TOPBP1: variants seen among roughly 807,000 people sequenced by gnomAD.
TOPBP1 encodes DNA topoisomerase II binding protein 1.
Under a neutral mutation model 167.7 loss-of-function variants are expected in TOPBP1, and 28 were observed. The observed-to-expected ratio is 0.17, with a 90% confidence interval of 0.12 to 0.23. The LOEUF is 0.23. TOPBP1 is among the 10% of genes least tolerant of loss of function. The pLI is 1.00. For synonymous variants in TOPBP1, 598 were observed against 611.4 expected (o/e 0.98, Z 0.32); for missense variants, 1,554 against 1,809.6 (o/e 0.86, Z 2.56).
At chr3:133,660,950 A>T (rs1223208836) in intron 2 of TOPBP1, 94 bp downstream of exon 2, 1 of 866,838 alleles carries the variant, frequency 1.2e-6, no homozygotes. Context: ...TATGAAAGTG[A>T]AATATCTACT....
At chr3:133,651,854 A>G (rs1936317924) in intron 8 of TOPBP1, among the ~76,000 whole-genome samples, 1 of 152,190 alleles carries the variant, frequency 6.6e-6, no homozygotes, top group Non-Finnish European at 1.5e-5. Context: ...CTTAAATGCG[A>G]TTTTATATAT....
intron 16 of TOPBP1, among the ~76,000 whole-genome samples, chr3:133,626,626 C>T (rs1935275674): frequency 6.6e-6 from 1 of 152,260 alleles, no homozygotes; most frequent in Middle Eastern, 3.4e-3. Context: ...GTATCTGAGT[C>T]CCCAGATCGG....
At chr3:133,658,197 C>T (rs909444763) in intron 3 of TOPBP1, among the ~76,000 whole-genome samples, 1 of 152,252 alleles carries the variant, frequency 6.6e-6, no homozygotes, top group African/African-American at 2.4e-5. Context: ...GGCACAGTGG[C>T]TCACGCCTGT....
intron 27 of TOPBP1, among the ~76,000 whole-genome samples, chr3:133,607,915 G>A (rs1279132295): frequency 6.6e-6 from 1 of 152,176 alleles, no homozygotes; most frequent in African/African-American, 2.4e-5. Context: ...TCACAAAGCT[G>A]ACTTTGAGTG....
chr3:133,632,530 GGTAA>G (rs1347861014), intron 14 of TOPBP1, among the ~76,000 whole-genome samples: 6 of 152,136 alleles, frequency 3.9e-5, no homozygotes, highest in African/African-American at 1.2e-4. Context: ...GCAAGAACAT[GGTAA>G]GTCTTTCTAT....
chr3:133,609,117 C>T lies in TOPBP1; in HGVS notation c.4174-155G>A, dbSNP rs1025587656. 5.9e-5 allele frequency among the ~76,000 whole-genome samples: 9 copies of T among 152,088 alleles called. No individual in the cohort carries two copies. The South Asian group carries it at 6.2e-4, about 10-fold the overall frequency. ...ATTATCTCTGGCCAGAACACTGAAA[C>T]GTGAATCCATGGTATCTGGCACATA... On this transcript the variant is annotated intron_variant, in intron 25 of 27. Coordinates refer to ENST00000260810, the MANE Select transcript of TOPBP1 (RefSeq NM_007027.4).
rs79802507 is a variant in TOPBP1 at position 133,610,347 on chromosome 3, T to C, written c.4173+657A>G. 6.0e-3 allele frequency among the ~76,000 whole-genome samples: 908 copies of C among 152,332 alleles called. 1 individual carries two copies. The highest frequency in any genetic ancestry group is 0.02 in the African/African-American group (838 of 41,586). ...GAATTTCTTTGGACTGAATCATTAA[T>C]ACACAGAAGTTTGTCTTTGACTTGT... On this transcript the variant is annotated intron_variant, in intron 25 of 27. Transcript: ENST00000260810.
chr3:133,634,525 A>T (rs1373014280), intron 14 of TOPBP1, among the ~76,000 whole-genome samples: 1 of 152,116 alleles, frequency 6.6e-6, no homozygotes, highest in Non-Finnish European at 1.5e-5. Flanking sequence ...TAAAAAAAAA[A>T]GATAAAAGAT....
At chr3:133,620,734 G>A (rs1403338470) in intron 19 of TOPBP1, among the ~76,000 whole-genome samples, 4 of 151,732 alleles carry the variant, frequency 2.6e-5, no homozygotes, top group Non-Finnish European at 5.9e-5. Flanking sequence ...TCACCATGCC[G>A]GGCTAATTTT....
rs1378390134 is a variant in TOPBP1 at position 133,631,430 on chromosome 3, C to G, written c.2521-2697G>C. ...TTTTAATAAACGGTAGGGCTACTGC[C>G]TACCTGCAATTATACTTTTCAGATT... On this transcript the variant is annotated intron_variant, in intron 14 of 27. Transcript: ENST00000260810. Among the ~76,000 whole-genome samples the G allele has an allele frequency of 7.9e-5, 12 of 152,302 alleles. No homozygotes were observed. The East Asian group carries it at 2.1e-3, about 27-fold the overall frequency.
At chr3:133,648,466 G>A (rs1427732159) in intron 10 of TOPBP1, among the ~76,000 whole-genome samples, 1 of 152,220 alleles carries the variant, frequency 6.6e-6, no homozygotes, top group Non-Finnish European at 1.5e-5. Context: ...TGAGTATGTT[G>A]ATGAGTGGAG....
At position 133,623,319 on chromosome 3, in the gene TOPBP1, C is replaced by T. The variant is rs778620363; in HGVS notation, c.3067G>A (p.Asp1023Asn). Residue 1023 changes from aspartate (D) to asparagine (N), a missense_variant, in exon 18 of 28, where the codon GAT becomes AAT. Asp to Asn is a conservative substitution (Grantham distance 23). Coordinates refer to ENST00000260810, the MANE Select transcript of TOPBP1 (RefSeq NM_007027.4). ...TCATCCATATCTCCTACCTCATCAT[C>T]CTTTGTTGAAGACACAGCTGAGAGT... ...RLLSAVSSTK[D>N]DEPDPLILEE... is the part of the protein sequence containing the mutation. The T allele has an allele frequency of 1.3e-5, 21 of 1,613,492 alleles. 1 individual carries two copies. In the Middle Eastern group the frequency reaches 6.6e-4, roughly 51 times the overall value.
intron 13 of TOPBP1, among the ~76,000 whole-genome samples, chr3:133,639,138 G>A (rs1038218181): frequency 2.6e-4 from 39 of 152,286 alleles, no homozygotes; most frequent in African/African-American, 9.1e-4. Context: ...TACAAATCAT[G>A]CTACTATAAA....
rs373891420 is a variant in TOPBP1, at chr3:133,661,051, G to A, written c.77C>T (p.Ala26Val). ...SSDNSKCFFK[A>V]LESIKEFQSE... is the part of the protein sequence containing the mutation. The stretch of plus-strand genomic sequence containing the variant: ...GATGTTTTCAACTCTTACCTCGAGA[G>A]CTTTAAAAAAACATTTGGAATTGTC... The change falls in exon 2 of 28, where the codon GCT (alanine) becomes GTT (valine). Residue 26 changes from alanine (A) to valine (V), a missense_variant. This residue lies in a region of TOPBP1 where 1,197 missense variants were observed against 1,351.5 expected (regional missense o/e 0.89). Coordinates refer to ENST00000260810, the MANE Select transcript of TOPBP1 (RefSeq NM_007027.4). 5 of 1,584,410 alleles carry A rather than the reference G, an allele frequency of 3.2e-6. No homozygotes were observed. The highest frequency in any genetic ancestry group is 2.4e-5 in the South Asian group (2 of 84,920).
In TOPBP1 at chr3:133,639,978, A is replaced by C. The variant is rs1935838736; in HGVS notation, c.2214T>G (p.Ile738Met). Residue 738 changes from isoleucine to methionine, a missense_variant, in exon 13 of 28, where the codon ATT becomes ATG. This residue lies in a region of TOPBP1 where 1,197 missense variants were observed against 1,351.5 expected (regional missense o/e 0.89). Coordinates refer to ENST00000260810, the MANE Select transcript of TOPBP1 (RefSeq NM_007027.4). ...GKRADESHFL[I>M]ENSTKEERSL... ...ATTAACCTTCTTTAGTTGAATTTTC[A>C]ATCAGAAAATGGCTTTCGTCTGCTC... 1 of 1,613,750 alleles carries C rather than the reference A, an allele frequency of 6.2e-7. No homozygotes were observed. Among genetic ancestry groups the C allele is most frequent in the Non-Finnish European group, 8.5e-7 (1 of 1,179,782 alleles).
chr3:133,637,371 C>T (rs1221854401), intron 14 of TOPBP1, among the ~76,000 whole-genome samples: 1 of 152,110 alleles, frequency 6.6e-6, no homozygotes, highest in East Asian at 1.9e-4. Context: ...CTCACGAGAT[C>T]AAACTAAAAC....
In TOPBP1 at chr3:133,623,296, A is replaced by T. The variant is rs1464571619; in HGVS notation, c.3075+15T>A. On this transcript the variant is annotated intron_variant, in intron 18 of 27. Coordinates refer to ENST00000260810, the MANE Select transcript of TOPBP1 (RefSeq NM_007027.4). Reference sequence around the variant, plus strand: ...TAGCTTAAGAGGGGGTAAATGTATCATCCATATCTCCTACCTCATCATCCT... The same window carrying T: ...TAGCTTAAGAGGGGGTAAATGTATCTTCCATATCTCCTACCTCATCATCCT... 1 of 1,613,502 alleles carries T rather than the reference A, an allele frequency of 6.2e-7. No homozygotes were observed. The highest frequency in any genetic ancestry group is 1.1e-5 in the South Asian group (1 of 90,992).
Position 133,657,782 on chromosome 3 carries a change from T to C in TOPBP1, c.363+16A>G, listed in dbSNP as rs1936529338. ...AGATATATAAATTGATCAATCATCA[T>C]GAGATCAATATCTACCCTTTTTTCT... On this transcript the variant is annotated intron_variant, in intron 4 of 27. Transcript: ENST00000260810. 1.3e-6 allele frequency: 2 copies of C among 1,517,368 alleles called. No homozygotes were observed. Among genetic ancestry groups the C allele is most frequent in the Non-Finnish European group, 1.8e-6 (2 of 1,134,958 alleles). 94.0% of individuals were successfully genotyped at this position (1,517,368 alleles called of 1,614,324 possible). A position where few individuals can be genotyped will look rare whatever the true frequency, so the allele number is the denominator to read the frequency against.
chr3:133,617,569 A>T (rs549046909), intron 21 of TOPBP1: 12 of 325,374 alleles, frequency 3.7e-5, no homozygotes, highest in African/African-American at 2.3e-4. Flanking sequence ...CAAGTGTGTT[A>T]TCTGTGGGCT....
Sources: allele counts gnomAD v4.1 joint callset (sites outside exome capture counted in the v4.1 genomes callset), GRCh38; gene constraint gnomAD v4.1.1; regional missense constraint gnomAD v4.1.1; transcripts MANE v1.5; gene names NCBI Gene and HGNC (gene_info 2026-07-23, HGNC 2026-07-21).